The following LNX1 variants were observed in gnomAD, a reference collection of about 807,000 sequenced individuals.
LNX1 encodes the protein ligand of numb-protein X 1, also known as E3 ubiquitin-protein ligase LNX.
Under a neutral mutation model 68.4 loss-of-function variants are expected in LNX1, and 54 were observed. The ratio of observed to expected loss-of-function variants is 0.79; its 90% confidence interval spans 0.63 to 0.99. LNX1 has a LOEUF of 0.99. LNX1 is among the 50% of genes least tolerant of loss of function. The probability of loss-of-function intolerance (pLI) is 0.00; values close to 1 mark genes in which losing one functional copy is unlikely to be tolerated. For synonymous variants in LNX1, 336 were observed against 350.0 expected (o/e 0.96, Z 0.45); for missense variants, 906 against 926.4 (o/e 0.98, Z 0.29).
chr4:53,511,184 G>A (rs943164358), intron 2 of LNX1, among the ~76,000 whole-genome samples: 2 of 152,208 alleles, frequency 1.3e-5, no homozygotes, highest in Non-Finnish European at 2.9e-5. Flanking sequence ...CTCATACTGT[G>A]TAATGTTAGC....
chr4:53,495,214 C>T (rs1179691641), intron 6 of LNX1, among the ~76,000 whole-genome samples: 1 of 151,888 alleles, frequency 6.6e-6, no homozygotes. Context: ...ATAATTATCT[C>T]AAAATACGAA....
At chr4:53,606,040 T>C (rs1232162108) in intron 2 of LNX1, among the ~76,000 whole-genome samples, 3 of 152,036 alleles carry the variant, frequency 2.0e-5, no homozygotes, top group African/African-American at 7.2e-5. Flanking sequence ...GTGGAGGAAC[T>C]AGATAAACAA....
At chr4:53,512,254 T>C (rs565766337) in intron 2 of LNX1, among the ~76,000 whole-genome samples, 81 of 152,248 alleles carry the variant, frequency 5.3e-4, no homozygotes, top group Non-Finnish European at 1.0e-3. Context: ...TAAAATCTCT[T>C]GATTTTTTAG....
intron 6 of LNX1, among the ~76,000 whole-genome samples, chr4:53,487,382 G>A (rs1270420881): frequency 1.3e-5 from 2 of 152,222 alleles, no homozygotes; most frequent in Non-Finnish European, 2.9e-5. Flanking sequence ...AACATTTGCT[G>A]CCTTTTTGAG....
chr4:53,577,623 C>T (rs900847163), intron 1 of LNX1, among the ~76,000 whole-genome samples: 1 of 152,010 alleles, frequency 6.6e-6, no homozygotes, highest in Non-Finnish European at 1.5e-5. Flanking sequence ...CTATGTTGAC[C>T]AGGCTGGTCT....
chr4:53,507,841 G>T, intron 3 of LNX1, 145 bp downstream of exon 3: 1 of 1,063,106 alleles, frequency 9.4e-7, no homozygotes. Context: ...TTTCACTTTG[G>T]CGAATTGGAC....
intron 2 of LNX1, among the ~76,000 whole-genome samples, chr4:53,553,618 G>A (rs1577704313): frequency 6.6e-6 from 1 of 152,098 alleles, no homozygotes; most frequent in African/African-American, 2.4e-5. Flanking sequence ...TTCCCTTTGG[G>A]GTCTAGGAAA....
At chr4:53,622,736 G>A (rs560458646) in intron 1 of LNX1, among the ~76,000 whole-genome samples, 8 of 152,176 alleles carry the variant, frequency 5.3e-5, no homozygotes, top group Non-Finnish European at 1.0e-4. Context: ...CAGTGCAGTT[G>A]CTTGTGTTTA....
Position 53,478,684 on chromosome 4 carries a change from C to T in LNX1, c.1544G>A (p.Gly515Asp). 1.2e-6 allele frequency: 2 copies of T among 1,614,088 alleles called. No homozygotes were observed. The highest frequency in any genetic ancestry group is 1.7e-6 in the Non-Finnish European group (2 of 1,179,988). The change falls in exon 8 of 11, where the codon GGT becomes GAT. Residue 515 changes from glycine (G) to aspartate (D), a missense_variant. Coordinates refer to ENST00000263925, the MANE Select transcript of LNX1 (RefSeq NM_001126328.3). The stretch of plus-strand genomic sequence containing the variant: ...TGCGACGGTCATGCCGAGAGATTCA[C>T]CGGGGTCTTTTTGGATATTTACCAC... ...EKVVNIQKDPGESLGMTVAGG... is the reference protein window; with the variant it reads ...EKVVNIQKDPDESLGMTVAGG...
At chr4:53,645,750 A>C (rs527971978) in intron 1 of LNX1, among the ~76,000 whole-genome samples, 1 of 152,286 alleles carries the variant, frequency 6.6e-6, no homozygotes, top group South Asian at 2.1e-4. Flanking sequence ...GTTTAGGTGA[A>C]GTATGCCACT....
At chr4:53,647,266 A>T (rs1390860290) in intron 1 of LNX1, among the ~76,000 whole-genome samples, 1 of 152,234 alleles carries the variant, frequency 6.6e-6, no homozygotes, top group African/African-American at 2.4e-5. Flanking sequence ...TAAATGTTTT[A>T]GTAATGTGCA....
rs555241049 is a variant in LNX1 at position 53,591,459 on chromosome 4, G to C, written c.-158C>G. On this transcript the variant is annotated 5_prime_UTR_variant, in exon 1 of 11. Coordinates refer to ENST00000263925, the MANE Select transcript of LNX1 (RefSeq NM_001126328.3). The stretch of plus-strand genomic sequence containing the variant: ...AGCTCTCATTCCTTGTGGGTGAACC[G>C]AGCAGCTCCTTGGGCCGCCGGAGTT... The C allele has an allele frequency of 1.1e-5, 11 of 985,774 alleles. No individual in the cohort carries two copies. In the South Asian group the frequency reaches 4.7e-4, roughly 42 times the overall value. 61.1% of individuals were successfully genotyped at this position (985,774 alleles called of 1,614,324 possible). A position where few individuals can be genotyped will look rare whatever the true frequency, so the allele number is the denominator to read the frequency against.
At chr4:53,577,459 C>T (rs1731564497) in intron 1 of LNX1, among the ~76,000 whole-genome samples, 1 of 152,116 alleles carries the variant, frequency 6.6e-6, no homozygotes, top group Admixed American at 6.5e-5. Context: ...TGGCATTGGA[C>T]CAGATTTTCG....
intron 2 of LNX1, among the ~76,000 whole-genome samples, chr4:53,542,919 G>C (rs1251034758): frequency 6.6e-6 from 1 of 152,164 alleles, no homozygotes; most frequent in Admixed American, 6.5e-5. Flanking sequence ...GCCCACCCAG[G>C]TGCCAGCTCC....
chr4:53,600,885 C>T (rs1732973657), intron 2 of LNX1, among the ~76,000 whole-genome samples: 1 of 150,656 alleles, frequency 6.6e-6, no homozygotes, highest in African/African-American at 2.4e-5. Flanking sequence ...TGCCCACCAC[C>T]ACACCTGGCT....
chr4:53,643,527 G>A (rs1734767712), intron 1 of LNX1, among the ~76,000 whole-genome samples: 1 of 152,120 alleles, frequency 6.6e-6, no homozygotes, highest in South Asian at 2.1e-4. Context: ...TGAGAAAGGG[G>A]TTCTTTGTTC....
At chr4:53,480,010 T>C (rs1468689996) in intron 7 of LNX1, among the ~76,000 whole-genome samples, 6 of 152,222 alleles carry the variant, frequency 3.9e-5, no homozygotes, top group Non-Finnish European at 8.8e-5. Context: ...TTCCTTAACT[T>C]TTTTAATTGG....
chr4:53,472,749 G>A (rs1289739544), intron 9 of LNX1, among the ~76,000 whole-genome samples: 2 of 148,350 alleles, frequency 1.3e-5, no homozygotes, highest in Non-Finnish European at 3.0e-5. Flanking sequence ...ATTGATGAAC[G>A]TGAAAGCCGC....
chr4:53,605,394 A>C (rs1180543510), intron 2 of LNX1, among the ~76,000 whole-genome samples: 1 of 152,186 alleles, frequency 6.6e-6, no homozygotes, highest in Admixed American at 6.5e-5. Context: ...TAACGTATGC[A>C]TCATCTTACA....
Sources: gnomAD v4.1 joint callset for allele counts (sites outside exome capture counted in the v4.1 genomes callset) on GRCh38, gnomAD v4.1.1 for gene constraint, MANE v1.5 for transcripts, NCBI Gene and HGNC (gene_info 2026-07-23, HGNC 2026-07-21) for gene names.